Variants in CFTR observed in about 807,000 individuals in gnomAD.
CFTR encodes the protein cystic fibrosis transmembrane conductance regulator.
In CFTR, 181 loss-of-function variants were observed where a neutral mutation model predicts 171.6. The observed-to-expected ratio is 1.05, with a 90% CI of 0.93 to 1.19. The LOEUF (loss-of-function observed/expected upper bound fraction) is 1.19, where lower values mean the gene tolerates loss of function less well. CFTR is among the 50% of genes most tolerant of loss of function. CFTR has a pLI of 0.00. For missense variants in CFTR, 1,968 were observed against 1,734.7 expected, an observed-to-expected ratio of 1.13 and a Z score of -2.39; for synonymous variants, 583 against 608.0, an observed-to-expected ratio of 0.96 and a Z score of 0.60.
chr7:117,484,444 C>T (rs1798041799), intron 1 of CFTR, among the ~76,000 whole-genome samples: 1 of 152,170 alleles, frequency 6.6e-6, no homozygotes. Context: ...TGGAGGGGCC[C>T]ACCTCTGGGA....
intron 1 of CFTR, among the ~76,000 whole-genome samples, chr7:117,495,996 A>G (rs576557842): frequency 2.0e-4 from 31 of 152,170 alleles, no homozygotes; most frequent in Admixed American, 2.0e-3. Flanking sequence ...CACTGTAAAA[A>G]GAAACTCCAT....
chr7:117,631,700 T>C (rs1792749863), intron 22 of CFTR, among the ~76,000 whole-genome samples: 1 of 152,208 alleles, frequency 6.6e-6, no homozygotes, highest in South Asian at 2.1e-4. Flanking sequence ...CATTTTGCTA[T>C]GCATCTCTCC....
chr7:117,509,180 A>G, intron 3 of CFTR, 38 bp downstream of exon 3: 5 of 1,141,082 alleles, frequency 4.4e-6, no homozygotes. Context: ...TGTATCACAT[A>G]ACTATATTCA....
intron 22 of CFTR, among the ~76,000 whole-genome samples, chr7:117,640,233 A>G (rs1792890152): frequency 6.6e-6 from 1 of 152,182 alleles, no homozygotes; most frequent in East Asian, 1.9e-4. Context: ...ATTATGTGCC[A>G]GTTATATAAA....
chr7:117,544,301 T>C (rs1372550967), intron 9 of CFTR, among the ~76,000 whole-genome samples: 1 of 152,222 alleles, frequency 6.6e-6, no homozygotes, highest in Non-Finnish European at 1.5e-5. Context: ...TTAAACCTTA[T>C]ATGGGTCTAT....
intron 10 of CFTR, among the ~76,000 whole-genome samples, chr7:117,557,398 T>C (rs1486556708): frequency 6.6e-6 from 1 of 152,128 alleles, no homozygotes; most frequent in Admixed American, 6.5e-5. Flanking sequence ...ATTCAGATAT[T>C]AAATGTACAT....
At chr7:117,602,790 T>A (rs1201622420) in intron 15 of CFTR, 36 bp from the exon 16 acceptor site, 6 of 1,603,360 alleles carry the variant, frequency 3.7e-6, no homozygotes, top group Non-Finnish European at 4.3e-6. Context: ...GTGAAGATGT[T>A]AGAAAAAAAA....
At chr7:117,557,160 G>A (rs1799375158) in intron 10 of CFTR, among the ~76,000 whole-genome samples, 1 of 151,888 alleles carries the variant, frequency 6.6e-6, no homozygotes, top group South Asian at 2.1e-4. Flanking sequence ...CTGTAGCTTT[G>A]ATTTATATTT....
chr7:117,614,801 C>T (rs1279047035), intron 21 of CFTR, 88 bp downstream of exon 21: 6 of 813,856 alleles, frequency 7.4e-6, no homozygotes, highest in South Asian at 4.1e-5. Flanking sequence ...AACTATATAC[C>T]GTATATTGAG....
chr7:117,512,273 C>T (rs1170686037), intron 3 of CFTR, among the ~76,000 whole-genome samples: 1 of 152,190 alleles, frequency 6.6e-6, no homozygotes, highest in Non-Finnish European at 1.5e-5. Flanking sequence ...TAACTATGCA[C>T]TTGCTTTTTC....
chr7:117,648,865 T>C (rs1301482711), intron 23 of CFTR, among the ~76,000 whole-genome samples: 1 of 152,082 alleles, frequency 6.6e-6, no homozygotes, highest in Non-Finnish European at 1.5e-5. Flanking sequence ...TTGTATGAAA[T>C]TGAATTCTAA....
chr7:117,507,226 C>T (rs1224825615), intron 2 of CFTR, among the ~76,000 whole-genome samples: 1 of 152,168 alleles, frequency 6.6e-6, no homozygotes, highest in Non-Finnish European at 1.5e-5. Flanking sequence ...CAAGTTTCAC[C>T]CATTAAAGAA....
chr7:117,542,206 G>A (rs144272888), intron 9 of CFTR, 98 bp downstream of exon 9: 19 of 714,506 alleles, frequency 2.7e-5, no homozygotes, highest in Non-Finnish European at 4.4e-5. Context: ...TTAGAATGAT[G>A]ATATAACTGG....
intron 22 of CFTR, among the ~76,000 whole-genome samples, chr7:117,641,732 G>A (rs570865513): frequency 4.6e-5 from 7 of 152,294 alleles, no homozygotes; most frequent in South Asian, 2.1e-4. Flanking sequence ...GTGCTCTCAC[G>A]TCTATGCTAT....
intron 11 of CFTR, among the ~76,000 whole-genome samples, chr7:117,573,025 C>T (rs945991901): frequency 6.6e-6 from 1 of 150,554 alleles, no homozygotes; most frequent in Admixed American, 6.7e-5. Flanking sequence ...TTAAATGTAA[C>T]ACTCCACCCT....
At chr7:117,659,438 G>A (rs1453599533) in intron 24 of CFTR, among the ~76,000 whole-genome samples, 3 of 152,104 alleles carry the variant, frequency 2.0e-5, no homozygotes, top group Non-Finnish European at 4.4e-5. Context: ...AATAAATATT[G>A]GTTGAATGAA....
chr7:117,632,506 C>A lies in CFTR; in HGVS notation c.3717+4736C>A, dbSNP rs146309048. Among the ~76,000 whole-genome samples, 8 of 149,504 alleles carry A rather than the reference C, an allele frequency of 5.4e-5. No homozygotes were observed. The East Asian group carries it at 1.6e-3, about 29-fold the overall frequency. On this transcript the variant is annotated intron_variant, in intron 22 of 26. Transcript: ENST00000003084. The stretch of plus-strand genomic sequence containing the variant: ...TGAGCCCAGGAGATTAAGGCTGCAG[C>A]GAGCTGTGATGGCACCACTACAGCC...
At chr7:117,573,940 T>G (rs902952900) in intron 11 of CFTR, among the ~76,000 whole-genome samples, 2 of 152,096 alleles carry the variant, frequency 1.3e-5, no homozygotes, top group South Asian at 2.1e-4. Flanking sequence ...AGTTGTAGTA[T>G]GAACAAAGAG....
chr7:117,515,061 G>A (rs568890215), intron 3 of CFTR, among the ~76,000 whole-genome samples: 1 of 152,130 alleles, frequency 6.6e-6, no homozygotes, highest in African/African-American at 2.4e-5. Flanking sequence ...ATCTTTGTCA[G>A]ATGGATAGAT....
Sources: allele counts gnomAD v4.1 joint callset (sites outside exome capture counted in the v4.1 genomes callset), GRCh38; gene constraint gnomAD v4.1.1; transcripts MANE v1.5; gene names NCBI Gene and HGNC (gene_info 2026-07-23, HGNC 2026-07-21).